PDGFD: variants seen among roughly 807,000 people sequenced by gnomAD.
The protein encoded by PDGFD is platelet-derived growth factor D.
In PDGFD, 30 loss-of-function variants were observed where a neutral mutation model predicts 44.7. That is an observed-to-expected ratio of 0.67 (90% CI 0.50 to 0.91). The LOEUF is 0.91. Among genes scored for constraint, PDGFD ranks in the 40% least tolerant of loss-of-function variants. The pLI is 0.00. For missense variants in PDGFD, 445 were observed against 457.8 expected (o/e 0.97, Z 0.25); for synonymous variants, 173 against 168.4 (o/e 1.03, Z -0.21).
At chr11:104,127,047 C>T (rs1402901383) in intron 1 of PDGFD, among the ~76,000 whole-genome samples, 2 of 152,040 alleles carry the variant, frequency 1.3e-5, no homozygotes, top group Non-Finnish European at 1.5e-5. Context: ...ATCCCGTGCC[C>T]ATACCCACAC....
At chr11:103,933,635 G>C (rs944878018) in intron 5 of PDGFD, among the ~76,000 whole-genome samples, 2 of 152,196 alleles carry the variant, frequency 1.3e-5, no homozygotes, top group African/African-American at 4.8e-5. Flanking sequence ...AGCAACGAGT[G>C]AATGCAAACT....
chr11:103,981,544 G>T (rs1211988075), intron 3 of PDGFD, among the ~76,000 whole-genome samples: 4 of 151,730 alleles, frequency 2.6e-5, no homozygotes. Flanking sequence ...TTATAATGCA[G>T]ATGAATCCTT....
intron 6 of PDGFD, among the ~76,000 whole-genome samples, chr11:103,913,006 A>G (rs1249579344): frequency 2.0e-5 from 3 of 152,176 alleles, no homozygotes; most frequent in Non-Finnish European, 4.4e-5. Context: ...ACCTACAAAG[A>G]GACTTTGACT....
chr11:104,042,280 G>A (rs1860366569), intron 1 of PDGFD, among the ~76,000 whole-genome samples: 1 of 152,172 alleles, frequency 6.6e-6, no homozygotes, highest in Admixed American at 6.5e-5. Flanking sequence ...TCAAGGTAAA[G>A]CCACAATTAA....
intron 3 of PDGFD, among the ~76,000 whole-genome samples, chr11:103,960,420 A>G (rs1858917886): frequency 6.6e-6 from 1 of 152,124 alleles, no homozygotes; most frequent in African/African-American, 2.4e-5. Context: ...TTTATTTTTT[A>G]TTCTTACCAG....
chr11:103,909,691 C>A lies in PDGFD; in HGVS notation c.*3G>T, dbSNP rs750640060. On this transcript the variant is annotated 3_prime_UTR_variant, in exon 7 of 7. Transcript: ENST00000393158. ...GGCTTAATGTAAGGATGTGCACATT[C>A]TCTTATCGAGGTGGTCTTGAGCTGC... 1 of 1,614,072 alleles carries A rather than the reference C, an allele frequency of 6.2e-7. No homozygotes were observed. The highest frequency in any genetic ancestry group is 8.5e-7 in the Non-Finnish European group (1 of 1,179,940).
At chr11:103,923,102 A>G (rs757912687) in intron 6 of PDGFD, among the ~76,000 whole-genome samples, 3 of 152,198 alleles carry the variant, frequency 2.0e-5, no homozygotes, top group African/African-American at 4.8e-5. Flanking sequence ...AACATATTCA[A>G]TAAATGAGTA....
At chr11:103,969,474 G>GTTT (rs66571550) in intron 3 of PDGFD, among the ~76,000 whole-genome samples, 12,873 of 89,502 alleles carry the variant, frequency 0.14, 1,163 homozygotes, top group Middle Eastern at 0.22. Flanking sequence ...ACCAAGCCTG[G>GTTT]TTTTTTTTTT....
intron 1 of PDGFD, chr11:104,037,654 A>G: frequency 6.2e-7 from 1 of 1,614,178 alleles, no homozygotes; most frequent in South Asian, 1.1e-5. Context: ...GCGATGTAAC[A>G]TCATGAGGCT....
At chr11:104,000,676 A>C (rs12146566) in intron 1 of PDGFD, among the ~76,000 whole-genome samples, 37,725 of 151,968 alleles carry the variant, frequency 0.25, 5,126 homozygotes, top group African/African-American at 0.37. Context: ...GTACTTTGGG[A>C]GTTCTCTTAA....
intron 1 of PDGFD, among the ~76,000 whole-genome samples, chr11:104,043,509 C>T (rs912278216): frequency 6.6e-6 from 1 of 152,130 alleles, no homozygotes; most frequent in African/African-American, 2.4e-5. Flanking sequence ...GTGTTCAACT[C>T]GCTACTATTA....
intron 1 of PDGFD, among the ~76,000 whole-genome samples, chr11:104,020,298 T>G (rs1429386443): frequency 1.3e-5 from 2 of 152,124 alleles, no homozygotes; most frequent in African/African-American, 4.8e-5. Flanking sequence ...AAGTTTGAGA[T>G]GACTGTGACT....
chr11:104,004,902 A>T (rs530842395), intron 1 of PDGFD, among the ~76,000 whole-genome samples: 2 of 110,170 alleles, frequency 1.8e-5, no homozygotes, highest in East Asian at 5.0e-4. Context: ...TTTTTGAGAC[A>T]GTGTCTCATT....
rs150466237 is a variant in PDGFD at position 104,154,914 on chromosome 11, A to G, written c.124+8890T>C. ...ATTTACTATTTGGCCCTTTACAAAA[A>G]AAGTCTGCCAACCTCTGCATCTGCT... On this transcript the variant is annotated intron_variant, in intron 1 of 6. Coordinates refer to ENST00000393158, the MANE Select transcript of PDGFD (RefSeq NM_025208.5). Among the ~76,000 whole-genome samples, 335 of 152,326 alleles carry G rather than the reference A, an allele frequency of 2.2e-3. 2 individuals carry two copies. Among genetic ancestry groups the G allele is most frequent in the African/African-American group, 7.7e-3 (319 of 41,572 alleles).
chr11:103,947,510 T>A (rs1022830173), intron 4 of PDGFD, 152 bp downstream of exon 4: 2 of 645,048 alleles, frequency 3.1e-6, no homozygotes, highest in Non-Finnish European at 5.6e-6. Flanking sequence ...ACATAATCCA[T>A]TGTAACCTGA....
chr11:104,035,606 A>G (rs1860218210), intron 1 of PDGFD, among the ~76,000 whole-genome samples: 1 of 117,808 alleles, frequency 8.5e-6, no homozygotes, highest in African/African-American at 3.4e-5. Context: ...TTGCTAATTG[A>G]TAATATTTAA....
At chr11:104,003,977 A>C (rs1859660078) in intron 1 of PDGFD, among the ~76,000 whole-genome samples, 1 of 152,222 alleles carries the variant, frequency 6.6e-6, no homozygotes, top group South Asian at 2.1e-4. Flanking sequence ...ATAAAGTCAC[A>C]TGCAAAACAA....
chr11:104,011,490 C>T (rs941565791), intron 1 of PDGFD, among the ~76,000 whole-genome samples: 1 of 151,910 alleles, frequency 6.6e-6, no homozygotes, highest in Non-Finnish European at 1.5e-5. Flanking sequence ...GTAATTTCTT[C>T]GCATGTTAAC....
chr11:103,991,302 G>A (rs1446336973), intron 3 of PDGFD, among the ~76,000 whole-genome samples: 1 of 151,840 alleles, frequency 6.6e-6, no homozygotes, highest in African/African-American at 2.4e-5. Context: ...CAACCCCTGG[G>A]CTGTTCTCCT....
Sources: allele counts gnomAD v4.1 joint callset (sites outside exome capture counted in the v4.1 genomes callset), GRCh38; gene constraint gnomAD v4.1.1; transcripts MANE v1.5; gene names NCBI Gene and HGNC (gene_info 2026-07-23, HGNC 2026-07-21).